Variants in KCNK12 observed in about 807,000 individuals in gnomAD.
KCNK12 encodes the protein potassium channel subfamily K member 12.
A neutral mutation model predicts 25.3 loss-of-function variants in KCNK12; 6 were observed. The observed-to-expected ratio is 0.24, with a 90% CI of 0.13 to 0.47. The LOEUF (loss-of-function observed/expected upper bound fraction) is 0.47. Ranked by LOEUF, KCNK12 falls within the 20% of genes least tolerant of loss-of-function variation. KCNK12 has a pLI of 0.99. For missense variants in KCNK12, 444 were observed against 661.7 expected (o/e 0.67, Z 3.61); for synonymous variants, 331 against 311.1 (o/e 1.06, Z -0.67).
intron 1 of KCNK12, among the ~76,000 whole-genome samples, chr2:47,530,957 CA>C (rs949357836): frequency 1.4e-4 from 21 of 152,276 alleles, no homozygotes; most frequent in Admixed American, 1.2e-3. Flanking sequence ...TGTGATAAAG[CA>C]GCAAATGTAC....
chr2:47,521,881 T>TGGGGGGGGGGGGGGGGGGGGG, intron 1 of KCNK12, 73 bp from the exon 2 acceptor site: 1 of 212,174 alleles, frequency 4.7e-6, no homozygotes. Context: ...GTGGGGGGTG[T>TGGGGGGGGGGGGGGGGGGGGG]GGGGGCGGGG....
chr2:47,525,666 C>T lies in KCNK12; in HGVS notation c.392-3858G>A, dbSNP rs1668754086. 6.6e-6 allele frequency among the ~76,000 whole-genome samples: 1 copy of T among 152,180 alleles called. No individual in the cohort carries two copies. On this transcript the variant is annotated intron_variant, in intron 1 of 1. Coordinates refer to ENST00000327876, the MANE Select transcript of KCNK12 (RefSeq NM_022055.2). The surrounding 1 kb of genome is among the most constrained non-coding windows in gnomAD (Gnocchi z 4.1). ...GAAAGGAAGAGATCTGAAGAGACTGCTCAAGAGGGCTGCCTGCTGGAGCAA... is the reference window on the plus strand; with the variant it reads ...GAAAGGAAGAGATCTGAAGAGACTGTTCAAGAGGGCTGCCTGCTGGAGCAA...
In KCNK12 at chr2:47,532,042, G is replaced by A. The variant is rs114388252; in HGVS notation, c.392-10234C>T. On this transcript the variant is annotated intron_variant, in intron 1 of 1. Transcript: ENST00000327876. ...AGCCTGGGTGACAAAGCGCGACTCC[G>A]TCTCAAAAAAAACCCCCAAAAACAA... 5.2e-3 allele frequency among the ~76,000 whole-genome samples: 785 copies of A among 151,876 alleles called. 10 individuals carry two copies. Among genetic ancestry groups the A allele is most frequent in the African/African-American group, 0.018 (742 of 41,416 alleles).
chr2:47,570,000 C>G lies in KCNK12; in HGVS notation c.332G>C (p.Arg111Pro). 1 of 1,433,740 alleles carries G rather than the reference C, an allele frequency of 7.0e-7. No homozygotes were observed. The highest frequency in any genetic ancestry group is 9.1e-7 in the Non-Finnish European group (1 of 1,093,036). 88.8% of individuals were successfully genotyped at this position (1,433,740 alleles called of 1,614,324 possible). The part of the protein sequence containing the change: ...LAAGVRADAL[R>P]PRWDFPGAFY... ...GGCGCCGGGGAAGTCCCAGCGCGGG[C>G]GCAGCGCGTCGGCGCGGACGCCGGC... Residue 111 changes from arginine (R) to proline (P), a missense_variant, in exon 1 of 2, where the codon CGC becomes CCC. By Grantham distance (103) the Arg-to-Pro change is moderately radical. Coordinates refer to ENST00000327876, the MANE Select transcript of KCNK12 (RefSeq NM_022055.2). This position sits in a 1 kb window ranked among gnomAD's most constrained non-coding sequence, Gnocchi z 4.1.
chr2:47,545,138 GT>G (rs1669286924), intron 1 of KCNK12, among the ~76,000 whole-genome samples: 1 of 152,200 alleles, frequency 6.6e-6, no homozygotes, highest in Non-Finnish European at 1.5e-5. Context: ...GTGCTAGGAG[GT>G]TAGATCATCA....
In KCNK12 at chr2:47,525,226, G is replaced by A. The variant is rs1668743511; in HGVS notation, c.392-3418C>T. 1.3e-5 allele frequency among the ~76,000 whole-genome samples: 2 copies of A among 152,248 alleles called. No individual in the cohort carries two copies. The highest frequency in any genetic ancestry group is 6.5e-5 in the Admixed American group (1 of 15,294). On this transcript the variant is annotated intron_variant, in intron 1 of 1. Transcript: ENST00000327876. The surrounding 1 kb of genome is among the most constrained non-coding windows in gnomAD (Gnocchi z 4.1). ...CTCCAGGCTGTACGGAAAGGCTGGG[G>A]ATTGATGGGATCTTCCATCAGTTGG...
At chr2:47,544,362 G>C (rs1279024496) in intron 1 of KCNK12, among the ~76,000 whole-genome samples, 1 of 152,220 alleles carries the variant, frequency 6.6e-6, no homozygotes, top group South Asian at 2.1e-4. Flanking sequence ...TCTCTGCCGA[G>C]GGCATAAACC....
intron 1 of KCNK12, among the ~76,000 whole-genome samples, chr2:47,522,534 G>T (rs1008117327): frequency 2.0e-5 from 3 of 152,136 alleles, no homozygotes; most frequent in African/African-American, 7.2e-5. Context: ...TGGATGCAGT[G>T]GTACAATCAT....
chr2:47,533,677 C>T lies in KCNK12; in HGVS notation c.392-11869G>A, dbSNP rs1359279405. 6.6e-6 allele frequency among the ~76,000 whole-genome samples: 1 copy of T among 152,184 alleles called. No homozygotes were observed. The highest frequency in any genetic ancestry group is 1.5e-5 in the Non-Finnish European group (1 of 68,024). ...GGAGGCCCGGCTAGAGGTTAGGCAC[C>T]ATCTTTTCCAGTCCCCAAAGTGAGA... On this transcript the variant is annotated intron_variant, in intron 1 of 1. Transcript: ENST00000327876. This position sits in a 1 kb window ranked among gnomAD's most constrained non-coding sequence, Gnocchi z 4.7.
At chr2:47,539,812 A>G (rs1669157232) in intron 1 of KCNK12, among the ~76,000 whole-genome samples, 1 of 152,218 alleles carries the variant, frequency 6.6e-6, no homozygotes, top group African/African-American at 2.4e-5. Context: ...CGGGGAGGCC[A>G]AGGACATCCA....
Position 47,512,894 on chromosome 2 carries a change from C to G in KCNK12, c.*8013G>C, listed in dbSNP as rs1324318133. 2 of 156,218 alleles carry G rather than the reference C, an allele frequency of 1.3e-5. No homozygotes were observed. Among genetic ancestry groups the G allele is most frequent in the African/African-American group, 4.8e-5 (2 of 41,476 alleles). The allele number at this position is 156,218 out of a possible 1,614,324, so 9.7% of individuals were successfully genotyped here. A position where few individuals can be genotyped will look rare whatever the true frequency, so the allele number is the denominator to read the frequency against. On this transcript the variant is annotated 3_prime_UTR_variant, in exon 2 of 2. Coordinates refer to ENST00000327876, the MANE Select transcript of KCNK12 (RefSeq NM_022055.2). ...TCATTGTCACCCCTCAGAGGTCCCA[C>G]TGCAGCTGCATAATGTCCCCTCAGT...
intron 1 of KCNK12, among the ~76,000 whole-genome samples, chr2:47,554,949 G>C (rs1183847385): frequency 6.6e-6 from 1 of 152,172 alleles, no homozygotes; most frequent in African/African-American, 2.4e-5. Context: ...AAAAAAAGAG[G>C]AATCAGGACA....
intron 1 of KCNK12, among the ~76,000 whole-genome samples, chr2:47,523,380 C>A (rs1256436604): frequency 6.6e-6 from 1 of 152,238 alleles, no homozygotes; most frequent in Non-Finnish European, 1.5e-5. Context: ...CATCCTTGCT[C>A]ACACTTGTGG....
In KCNK12 at chr2:47,532,635, GGCGT is replaced by G. The variant is rs544330450; in HGVS notation, c.392-10831_392-10828del. ...AAGAACCTGGACAACTCACAGTCAA[GGCGT>G]TCCATCTGGTAACATTGGGAGCACC... On this transcript the variant is annotated intron_variant, in intron 1 of 1. Coordinates refer to ENST00000327876, the MANE Select transcript of KCNK12 (RefSeq NM_022055.2). 4.1e-4 allele frequency among the ~76,000 whole-genome samples: 63 copies of G among 152,314 alleles called. 1 individual carries two copies. The highest frequency in any genetic ancestry group is 3.5e-3 in the Admixed American group (54 of 15,302).
rs919467092 is a variant in KCNK12 at position 47,517,109 on chromosome 2, T to G, written c.*3798A>C. 1.3e-5 allele frequency: 2 copies of G among 152,252 alleles called. No homozygotes were observed. The highest frequency in any genetic ancestry group is 4.8e-5 in the African/African-American group (2 of 41,446). The allele number at this position is 152,252 out of a possible 1,614,324, so 9.4% of individuals were successfully genotyped here. A position where few individuals can be genotyped will look rare whatever the true frequency, so the allele number is the denominator to read the frequency against. On this transcript the variant is annotated 3_prime_UTR_variant, in exon 2 of 2. Transcript: ENST00000327876. This position sits in a 1 kb window ranked among gnomAD's most constrained non-coding sequence, Gnocchi z 4.1. ...CTAGGCTGGCTGTCTGGCTGTGCTT[T>G]CCAGACAGTGTGTATGTGGAATTGT...
At chr2:47,521,872 T>TGGGGG in intron 1 of KCNK12, 64 bp from the exon 2 acceptor site, 2 of 224,470 alleles carry the variant, frequency 8.9e-6, no homozygotes, top group Non-Finnish European at 1.4e-5. Context: ...TGGGCGAGGG[T>TGGGGG]GGGGGGTGTG....
rs1227278810 is a variant in KCNK12, at chr2:47,568,304, C to T, written c.391+1637G>A. Among the ~76,000 whole-genome samples the T allele has an allele frequency of 2.1e-5, 3 of 144,378 alleles. No individual in the cohort carries two copies. In the East Asian group the frequency reaches 5.9e-4, roughly 28 times the overall value. The allele number at this position is 144,378 out of a possible 152,430, so 94.7% of individuals were successfully genotyped here. Reference sequence around the variant, plus strand: ...AAGCATCCTTAGTACTTTTAAAGCACTTAAAAAAAAAAAAACTCTAGTTGC... The same window carrying T: ...AAGCATCCTTAGTACTTTTAAAGCATTTAAAAAAAAAAAAACTCTAGTTGC... On this transcript the variant is annotated intron_variant, in intron 1 of 1. Transcript: ENST00000327876.
intron 1 of KCNK12, among the ~76,000 whole-genome samples, chr2:47,527,028 T>C (rs1210914032): frequency 6.6e-6 from 1 of 152,010 alleles, no homozygotes; most frequent in Admixed American, 6.5e-5. Context: ...GGTTAAAGGG[T>C]GAAAAGCAGT....
Position 47,570,042 on chromosome 2 carries a change from T to C in KCNK12, c.290A>G (p.Tyr97Cys). 7.0e-7 allele frequency: 1 copy of C among 1,420,030 alleles called. No individual in the cohort carries two copies. Among genetic ancestry groups the C allele is most frequent in the Non-Finnish European group, 9.2e-7 (1 of 1,087,296 alleles). The allele number at this position is 1,420,030 out of a possible 1,614,324, so 88.0% of individuals were successfully genotyped here. Residue 97 changes from tyrosine (Y) to cysteine (C), a missense_variant, in exon 1 of 2, where the codon TAC (tyrosine) becomes TGC (cysteine). Physicochemically the swap from Tyr to Cys is radical, Grantham distance 194. This residue lies in a region of KCNK12 where 106 missense variants were observed against 142.2 expected (regional missense o/e 0.75). Transcript: ENST00000327876. ...EPELRAFLRH[Y>C]EAALAAGVRA... Reference sequence around the variant, plus strand: ...GACGCCGGCGGCCAGCGCGGCCTCGTAGTGCCGGAGGAAGGCGCGCAGCTC... The same window carrying C: ...GACGCCGGCGGCCAGCGCGGCCTCGCAGTGCCGGAGGAAGGCGCGCAGCTC...
Sources: gnomAD v4.1 joint callset for allele counts (sites outside exome capture counted in the v4.1 genomes callset) on GRCh38, gnomAD v4.1.1 for gene constraint, gnomAD v4.1.1 regional missense constraint, Gnocchi (gnomAD v3.1) non-coding constraint, MANE v1.5 for transcripts, NCBI Gene and HGNC (gene_info 2026-07-23, HGNC 2026-07-21) for gene names.